The following KDM4C variants were observed in gnomAD, a reference collection of about 807,000 sequenced individuals.
KDM4C encodes lysine-specific demethylase 4C.
Under a neutral mutation model 129.3 loss-of-function variants are expected in KDM4C, and 81 were observed. That is an observed-to-expected ratio of 0.63 (90% CI 0.52 to 0.75). KDM4C has a LOEUF of 0.75. Among genes scored for constraint, KDM4C ranks in the 30% least tolerant of loss-of-function variants. The pLI, the probability that KDM4C is intolerant of heterozygous loss-of-function variation, is 0.00. For synonymous variants in KDM4C, 573 were observed against 456.1 expected (o/e 1.26, Z -3.26); for missense variants, 1,457 against 1,304.0 (o/e 1.12, Z -1.81).
chr9:6,935,749 ATGT>A (rs1364773251), intron 8 of KDM4C, among the ~76,000 whole-genome samples: 1 of 152,130 alleles, frequency 6.6e-6, no homozygotes, highest in African/African-American at 2.4e-5. Flanking sequence ...AGCCATGAGT[ATGT>A]TGCTTTAATG....
chr9:6,917,395 C>G (rs897958376), intron 8 of KDM4C, among the ~76,000 whole-genome samples: 2 of 152,180 alleles, frequency 1.3e-5, no homozygotes, highest in African/African-American at 4.8e-5. Flanking sequence ...ACCTCAACTT[C>G]TTACTTCCCC....
At chr9:7,058,098 G>A (rs550919097) in intron 17 of KDM4C, among the ~76,000 whole-genome samples, 1 of 152,238 alleles carries the variant, frequency 6.6e-6, no homozygotes, top group East Asian at 1.9e-4. Context: ...TAGAGGAAAT[G>A]AATTCGACAA....
chr9:6,984,381 T>C lies in KDM4C; in HGVS notation c.1331T>C (p.Leu444Ser), dbSNP rs1817317005. Residue 444 changes from leucine to serine, a missense_variant, in exon 10 of 22, where the codon TTA (leucine) becomes TCA (serine). Physicochemically the swap from Leu to Ser is moderately radical, Grantham distance 145. Coordinates refer to ENST00000381309, the MANE Select transcript of KDM4C (RefSeq NM_015061.6). ...SASRMQVEQNLSDHIKLSGNS... is the reference protein window; with the variant it reads ...SASRMQVEQNSSDHIKLSGNS... The stretch of plus-strand genomic sequence containing the variant: ...AGCAGGATGCAGGTGGAGCAGAATT[T>C]ATCAGATCATATCAAACTCTCAGGT... 1 of 1,611,608 alleles carries C rather than the reference T, an allele frequency of 6.2e-7. No homozygotes were observed. The highest frequency in any genetic ancestry group is 2.2e-5 in the East Asian group (1 of 44,876).
intron 8 of KDM4C, among the ~76,000 whole-genome samples, chr9:6,934,209 CG>C (rs779494832): frequency 1.3e-4 from 20 of 151,710 alleles, no homozygotes; most frequent in Middle Eastern, 3.4e-3. Flanking sequence ...GGGCTGGGCG[CG>C]GGGTCTCACG....
intron 2 of KDM4C, 71 bp from the exon 3 acceptor site, chr9:6,805,528 C>G (rs1020166139): frequency 6.3e-6 from 6 of 956,026 alleles, no homozygotes; most frequent in African/African-American, 1.7e-5. Flanking sequence ...TGTAGTTTAT[C>G]AGAATACTTA....
At chr9:6,789,276 A>C (rs1006606032) in intron 1 of KDM4C, among the ~76,000 whole-genome samples, 4 of 139,430 alleles carry the variant, frequency 2.9e-5, no homozygotes, top group African/African-American at 1.1e-4. Flanking sequence ...GCTGGAGTGC[A>C]ATGGCGTGAT....
chr9:6,735,655 C>T (rs1588044174), intron 1 of KDM4C, among the ~76,000 whole-genome samples: 1 of 152,340 alleles, frequency 6.6e-6, no homozygotes, highest in Middle Eastern at 3.4e-3. Context: ...TCTGCCAAGA[C>T]TGTGAGGCCT....
At chr9:6,920,719 G>A (rs907830479) in intron 8 of KDM4C, among the ~76,000 whole-genome samples, 4 of 152,154 alleles carry the variant, frequency 2.6e-5, no homozygotes, top group Non-Finnish European at 5.9e-5. Flanking sequence ...TCTTGTGAAA[G>A]GGTCTGAAGG....
intron 2 of KDM4C, among the ~76,000 whole-genome samples, chr9:6,799,013 C>T (rs535333390): frequency 4.9e-5 from 7 of 143,706 alleles, no homozygotes; most frequent in Admixed American, 1.4e-4. Context: ...GGATGGCGGC[C>T]GGGAAGAGGC....
intron 17 of KDM4C, chr9:7,076,350 T>G: frequency 1.1e-6 from 1 of 933,248 alleles, no homozygotes; most frequent in South Asian, 1.4e-5. Context: ...TTAGTTTGTC[T>G]CATGCTAAAG....
chr9:6,728,428 G>A (rs1588033551), intron 1 of KDM4C, among the ~76,000 whole-genome samples: 1 of 152,142 alleles, frequency 6.6e-6, no homozygotes, highest in Non-Finnish European at 1.5e-5. Context: ...CCACTACTCA[G>A]GAGGCTGAGG....
chr9:7,000,719 A>AT (rs1820576632), intron 12 of KDM4C, among the ~76,000 whole-genome samples: 1 of 152,018 alleles, frequency 6.6e-6, no homozygotes, highest in South Asian at 2.1e-4. Flanking sequence ...GTTACTTTAC[A>AT]TTTTTTTCAA....
chr9:6,839,818 G>A (rs550680340), intron 4 of KDM4C, among the ~76,000 whole-genome samples: 12 of 151,982 alleles, frequency 7.9e-5, no homozygotes, highest in Non-Finnish European at 1.8e-4. Context: ...CAGGAGAATC[G>A]CTTGAACCTG....
At chr9:6,851,032 G>T (rs942295158) in intron 5 of KDM4C, among the ~76,000 whole-genome samples, 1 of 152,230 alleles carries the variant, frequency 6.6e-6, no homozygotes, top group Non-Finnish European at 1.5e-5. Flanking sequence ...TGAAATTACA[G>T]GCGTGAGCCA....
At chr9:6,741,050 C>G (rs1817677728) in intron 1 of KDM4C, among the ~76,000 whole-genome samples, 1 of 151,840 alleles carries the variant, frequency 6.6e-6, no homozygotes, top group South Asian at 2.1e-4. Context: ...GTCTCAAACT[C>G]CTGACCTCAT....
chr9:7,156,536 G>A (rs575125534), intron 19 of KDM4C, among the ~76,000 whole-genome samples: 3 of 152,282 alleles, frequency 2.0e-5, no homozygotes, highest in Admixed American at 2.0e-4. Flanking sequence ...TATATAAGGT[G>A]TAAGGAAGGG....
chr9:6,894,150 G>A lies in KDM4C; in HGVS notation c.921+918G>A, dbSNP rs548516678. Among the ~76,000 whole-genome samples, 7 of 152,332 alleles carry A rather than the reference G, an allele frequency of 4.6e-5. No individual in the cohort carries two copies. In the South Asian group the frequency reaches 1.2e-3, roughly 27 times the overall value. ...AGCCATCAGGTGAACGTAGACAGAA[G>A]TATATTTAGGGGAGACAACTCTTAG... is the stretch of plus-strand genomic sequence containing the variant. On this transcript the variant is annotated intron_variant, in intron 8 of 21. Coordinates refer to ENST00000381309, the MANE Select transcript of KDM4C (RefSeq NM_015061.6).
chr9:6,876,482 G>A (rs771942089), intron 5 of KDM4C, among the ~76,000 whole-genome samples: 2 of 152,184 alleles, frequency 1.3e-5, no homozygotes, highest in Non-Finnish European at 2.9e-5. Context: ...TCCAGTTCTT[G>A]TTTAACGTGC....
At chr9:7,026,564 G>C (rs775970454) in intron 15 of KDM4C, among the ~76,000 whole-genome samples, 1 of 151,964 alleles carries the variant, frequency 6.6e-6, no homozygotes, top group African/African-American at 2.4e-5. Flanking sequence ...CCTTGGGATA[G>C]TCTTCTTTGG....
Sources: allele counts gnomAD v4.1 joint callset (sites outside exome capture counted in the v4.1 genomes callset), GRCh38; gene constraint gnomAD v4.1.1; transcripts MANE v1.5; gene names NCBI Gene and HGNC (gene_info 2026-07-23, HGNC 2026-07-21).